The following HSBP1L1 variants were observed in gnomAD, a reference collection of about 807,000 sequenced individuals.
The protein encoded by HSBP1L1 is heat shock factor binding protein 1 like 1.
HSBP1L1 carries 8 observed loss-of-function variants against 9.7 expected under a neutral mutation model. The ratio of observed to expected loss-of-function variants is 0.82; its 90% CI spans 0.48 to 1.48. The LOEUF (loss-of-function observed/expected upper bound fraction) is 1.48, where lower values mean the gene tolerates loss of function less well. Ranked by LOEUF, HSBP1L1 falls within the 40% of genes most tolerant of loss-of-function variation. HSBP1L1 has a pLI of 0.00. For missense variants in HSBP1L1, 106 were observed against 95.8 expected (o/e 1.11, Z -0.44); for synonymous variants, 39 against 34.4 (o/e 1.13, Z -0.46).
In HSBP1L1 at chr18:79,964,695, C is replaced by T; in HGVS notation, c.-41C>T. 7.8e-7 allele frequency: 1 copy of T among 1,281,966 alleles called. No individual in the cohort carries two copies. The highest frequency in any genetic ancestry group is 1.0e-6 in the Non-Finnish European group (1 of 966,732). The allele number at this position is 1,281,966 out of a possible 1,614,324, so 79.4% of individuals were successfully genotyped here. A position where few individuals can be genotyped will look rare whatever the true frequency, so the allele number is the denominator to read the frequency against. ...GCCACCTCGCGCCGGGTCCGCGCGG[C>T]CCACGGGACCCCCCACTGACGCCCC... On this transcript the variant is annotated 5_prime_UTR_variant, in exon 1 of 4. Coordinates refer to ENST00000451882, the MANE Select transcript of HSBP1L1 (RefSeq NM_001136180.2).
At chr18:79,968,557 C>T (rs1389215482) in intron 3 of HSBP1L1, among the ~76,000 whole-genome samples, 1 of 152,176 alleles carries the variant, frequency 6.6e-6, no homozygotes, top group African/African-American at 2.4e-5. Flanking sequence ...AACTCACAAC[C>T]TCAGGTGATC....
At chr18:79,964,918 T>G in intron 1 of HSBP1L1, 132 bp downstream of exon 1, 50 of 288,710 alleles carry the variant, frequency 1.7e-4, no homozygotes, top group East Asian at 2.5e-4. Flanking sequence ...CCTGAGGTCC[T>G]GGGGGGCCTG....
In HSBP1L1 at chr18:79,965,442, G is replaced by T. The variant is rs533360171; in HGVS notation, c.51+656G>T. Among the ~76,000 whole-genome samples the T allele has an allele frequency of 1.7e-3, 258 of 152,190 alleles. 2 individuals are homozygous for T. The highest frequency in any genetic ancestry group is 5.8e-3 in the African/African-American group (241 of 41,532). ...TTCTAGATTCACACCATGGTACGTG[G>T]GGCTCCCTGGGATCTTGAACCCCCA... is the stretch of plus-strand genomic sequence containing the variant. On this transcript the variant is annotated intron_variant, in intron 1 of 3. Transcript: ENST00000451882.
At chr18:79,969,313 G>GAAAGAAAGAA (rs2051277461) in intron 3 of HSBP1L1, among the ~76,000 whole-genome samples, 1 of 64,658 alleles carries the variant, frequency 1.5e-5, no homozygotes, top group African/African-American at 5.9e-5. Context: ...AGAGAGAAAG[G>GAAAGAAAGAA]AAAGAAAGAA....
In HSBP1L1 at chr18:79,966,655, T is replaced by C. The variant is rs1345665719; in HGVS notation, c.95T>C (p.Leu32Pro). The C allele has an allele frequency of 5.2e-6, 8 of 1,550,556 alleles. No individual in the cohort carries two copies. In the Admixed American group the frequency reaches 1.6e-4, roughly 30 times the overall value. The change falls in exon 2 of 4, where the codon CTG becomes CCG. Residue 32 changes from leucine (L) to proline (P), a missense_variant. Leu to Pro is a moderately conservative substitution (Grantham distance 98, BLOSUM62 -3). Transcript: ENST00000451882. ...GAACTTCAGGAACATTTTCAAGCTC[T>C]GACGGCAACATTAAACCTCAGAAAT... ...FQELQEHFQA[L>P]TATLNLRMEE...
chr18:79,967,929 C>T lies in HSBP1L1; in HGVS notation c.119-160C>T, dbSNP rs1234834917. ...GGTTAAAGAGACACACTGAGGAAAA[C>T]TCAGGGAAAGAAGCTGATTTGCATG... On this transcript the variant is annotated intron_variant, in intron 2 of 3. Coordinates refer to ENST00000451882, the MANE Select transcript of HSBP1L1 (RefSeq NM_001136180.2). 7.5e-6 allele frequency: 4 copies of T among 534,478 alleles called. No homozygotes were observed. In the East Asian group the frequency reaches 9.3e-5, roughly 12 times the overall value. 33.1% of individuals were successfully genotyped at this position (534,478 alleles called of 1,614,324 possible).
chr18:79,964,671 C>T lies in HSBP1L1; in HGVS notation c.-65C>T. 1.1e-6 allele frequency: 1 copy of T among 943,626 alleles called. No homozygotes were observed. Among genetic ancestry groups the T allele is most frequent in the Non-Finnish European group, 1.5e-6 (1 of 666,162 alleles). 58.5% of individuals were successfully genotyped at this position (943,626 alleles called of 1,614,324 possible). On this transcript the variant is annotated 5_prime_UTR_variant, in exon 1 of 4. Transcript: ENST00000451882. ...CGGGAATCGCGGAGCTTAGCTGTCGCCACCTCGCGCCGGGTCCGCGCGGCC... is the reference window on the plus strand; with the variant it reads ...CGGGAATCGCGGAGCTTAGCTGTCGTCACCTCGCGCCGGGTCCGCGCGGCC...
chr18:79,970,041 A>G (rs1421907302), intron 3 of HSBP1L1: 2 of 180,382 alleles, frequency 1.1e-5, no homozygotes, highest in Non-Finnish European at 2.4e-5. Flanking sequence ...TTCACTAGGT[A>G]CCCAGAGAGC....
At chr18:79,966,860 T>C (rs1369472356) in intron 2 of HSBP1L1, 182 bp downstream of exon 2, 1 of 540,560 alleles carries the variant, frequency 1.8e-6, no homozygotes, top group African/African-American at 1.9e-5. Flanking sequence ...GCAAAAGCTG[T>C]ACCTCCGGCC....
chr18:79,964,754 G>T lies in HSBP1L1; in HGVS notation c.19G>T (p.Glu7Ter). ...GGTCCACATGGACGTGCGGGGCCCT[G>T]AAGCCCCCGGCGGGCGCGCGCTGCG... MDVRGPEAPGGRALRDA... is the reference protein window; with the variant it reads MDVRGP The change falls in exon 1 of 4, where the codon GAA becomes TAA. Residue 7 changes from glutamate to a stop codon, truncating the protein, a stop_gained. Coordinates refer to ENST00000451882, the MANE Select transcript of HSBP1L1 (RefSeq NM_001136180.2). LOFTEE classifies it high-confidence loss of function. 1 of 1,416,278 alleles carries T rather than the reference G, an allele frequency of 7.1e-7. No individual in the cohort carries two copies. Among genetic ancestry groups the T allele is most frequent in the South Asian group, 1.4e-5 (1 of 70,170 alleles). 87.7% of individuals were successfully genotyped at this position (1,416,278 alleles called of 1,614,324 possible).
At chr18:79,965,552 G>A (rs531424463) in intron 1 of HSBP1L1, among the ~76,000 whole-genome samples, 2 of 152,296 alleles carry the variant, frequency 1.3e-5, no homozygotes, top group African/African-American at 4.8e-5. Flanking sequence ...ATTACACCGT[G>A]AATGGTGTGG....
intron 1 of HSBP1L1, among the ~76,000 whole-genome samples, chr18:79,965,780 G>A (rs1245437709): frequency 6.6e-6 from 1 of 152,146 alleles, no homozygotes; most frequent in Non-Finnish European, 1.5e-5. Flanking sequence ...GTGTGAGGAG[G>A]GGGATGGGTC....
chr18:79,967,147 C>CAAAAAAAAAAA (rs5826682), intron 2 of HSBP1L1, among the ~76,000 whole-genome samples: 6 of 105,198 alleles, frequency 5.7e-5, no homozygotes, highest in African/African-American at 2.2e-4. Flanking sequence ...GACTCCGTCT[C>CAAAAAAAAAAA]AAAAAAAAAA....
Position 79,966,665 on chromosome 18 carries a change from A to G in HSBP1L1, c.105A>G (p.Thr35=). The G allele has an allele frequency of 6.5e-7, 1 of 1,548,736 alleles. No homozygotes were observed. Among genetic ancestry groups the G allele is most frequent in the Non-Finnish European group, 8.7e-7 (1 of 1,144,608 alleles). ...AACATTTTCAAGCTCTGACGGCAAC[A>G]TTAAACCTCAGAAATATCCTTTTCT... is the stretch of plus-strand genomic sequence containing the variant. ...LQEHFQALTA[T]LNLRMEEMGN... is the part of the protein sequence containing the mutation. Residue 35 remains threonine, a synonymous_variant, in exon 2 of 4, where the codon ACA becomes ACG. Transcript: ENST00000451882.
Position 79,966,668 on chromosome 18 carries a change from A to G in HSBP1L1, c.108A>G (p.Leu36=). The G allele has an allele frequency of 6.5e-6, 10 of 1,546,734 alleles. No homozygotes were observed. The highest frequency in any genetic ancestry group is 8.8e-6 in the Non-Finnish European group (10 of 1,142,808). ...QEHFQALTAT[L]NLRMEEMGNR... is the part of the protein sequence containing the mutation. ...ATTTTCAAGCTCTGACGGCAACATT[A>G]AACCTCAGAAATATCCTTTTCTACC... The change falls in exon 2 of 4, where the codon TTA becomes TTG. Residue 36 remains leucine (L), a synonymous_variant. Transcript: ENST00000451882.
chr18:79,964,907 C>T (rs1359409428), intron 1 of HSBP1L1, 121 bp downstream of exon 1: 1 of 455,944 alleles, frequency 2.2e-6, no homozygotes, highest in Non-Finnish European at 3.5e-6. Flanking sequence ...CTTCGTGGGG[C>T]CCTGAGGTCC....
chr18:79,966,738 A>C (rs2051259217), intron 2 of HSBP1L1, 60 bp downstream of exon 2: 2 of 1,237,816 alleles, frequency 1.6e-6, no homozygotes, highest in Non-Finnish European at 2.3e-6. Flanking sequence ...ATTATCATGG[A>C]GTATCTTTTT....
At chr18:79,968,215 TTC>T in intron 3 of HSBP1L1, 32 bp downstream of exon 3, 1 of 1,312,282 alleles carries the variant, frequency 7.6e-7, no homozygotes, top group Non-Finnish European at 1.1e-6. Context: ...GTCAACCGTT[TTC>T]GTATGTTTTG....
rs566651748 is a variant in HSBP1L1 at position 79,969,406 on chromosome 18, C to A, written c.214-1034C>A. ...AAGAAAGAAAGAAAAAAAAACGATG[C>A]AGAATAGCGCCCACGTTGAGCAGGT... is the stretch of plus-strand genomic sequence containing the variant. On this transcript the variant is annotated intron_variant, in intron 3 of 3. Transcript: ENST00000451882. 1.2e-4 allele frequency among the ~76,000 whole-genome samples: 18 copies of A among 145,344 alleles called. No homozygotes were observed. The East Asian group carries it at 4.0e-3, about 32-fold the overall frequency.
Sources: gnomAD v4.1 joint callset for allele counts (sites outside exome capture counted in the v4.1 genomes callset) on GRCh38, gnomAD v4.1.1 for gene constraint, MANE v1.5 for transcripts, NCBI Gene and HGNC (gene_info 2026-07-23, HGNC 2026-07-21) for gene names.